GPM6A: variants seen among roughly 807,000 people sequenced by gnomAD.
The protein encoded by GPM6A is glycoprotein M6A.
In GPM6A, 7 loss-of-function variants were observed where a neutral mutation model predicts 32.1. The ratio of observed to expected loss-of-function variants is 0.22; its 90% confidence interval spans 0.12 to 0.41. The LOEUF (loss-of-function observed/expected upper bound fraction) is 0.41. Ranked by LOEUF, GPM6A falls within the 10% of genes least tolerant of loss-of-function variation. GPM6A has a pLI of 1.00. For missense variants in GPM6A, 235 were observed against 347.2 expected, an observed-to-expected ratio of 0.68 and a Z score of 2.57; for synonymous variants, 130 against 123.4, an observed-to-expected ratio of 1.05 and a Z score of -0.35.
chr4:175,972,212 T>C (rs1040079162), intron 1 of GPM6A, among the ~76,000 whole-genome samples: 2 of 152,142 alleles, frequency 1.3e-5, no homozygotes, highest in African/African-American at 2.4e-5. Context: ...CTAAAAGCAA[T>C]AGAAGATTTT....
At chr4:175,769,073 C>T (rs2111227864) in intron 1 of GPM6A, among the ~76,000 whole-genome samples, 1 of 152,168 alleles carries the variant, frequency 6.6e-6, no homozygotes, top group Non-Finnish European at 1.5e-5. Flanking sequence ...CCAGCCTGGG[C>T]AGCAGAGTGA....
intron 1 of GPM6A, among the ~76,000 whole-genome samples, chr4:175,824,270 A>T (rs1735364186): frequency 6.6e-6 from 1 of 152,044 alleles, no homozygotes; most frequent in African/African-American, 2.4e-5. Flanking sequence ...GTTATTTTCG[A>T]ATGAACCTGC....
chr4:175,645,101 A>G (rs1435069928), intron 4 of GPM6A, among the ~76,000 whole-genome samples: 3 of 152,116 alleles, frequency 2.0e-5, no homozygotes, highest in Non-Finnish European at 4.4e-5. Context: ...TTGTCTCAAA[A>G]ATAATAAAAA....
chr4:175,980,294 T>C (rs950014635), intron 1 of GPM6A, among the ~76,000 whole-genome samples: 1 of 152,106 alleles, frequency 6.6e-6, no homozygotes, highest in Non-Finnish European at 1.5e-5. Flanking sequence ...GGGATGGAGA[T>C]TGCAGTGAGC....
At chr4:175,663,614 C>A (rs902013184) in intron 3 of GPM6A, among the ~76,000 whole-genome samples, 48 of 152,024 alleles carry the variant, frequency 3.2e-4, no homozygotes, top group Admixed American at 5.2e-4. Flanking sequence ...TATTTGAAAC[C>A]AATATGTGGT....
chr4:175,903,051 G>T (rs1560986761), intron 1 of GPM6A, among the ~76,000 whole-genome samples: 1 of 151,966 alleles, frequency 6.6e-6, no homozygotes, highest in Admixed American at 6.6e-5. Context: ...CCCAGATCTT[G>T]GTTTCTGAAT....
intron 2 of GPM6A, among the ~76,000 whole-genome samples, chr4:175,692,154 C>A (rs1203078032): frequency 6.6e-6 from 1 of 152,032 alleles, no homozygotes; most frequent in East Asian, 1.9e-4. Flanking sequence ...TTTTTTGCAG[C>A]AGCAATGGTA....
intron 1 of GPM6A, among the ~76,000 whole-genome samples, chr4:175,805,128 T>A (rs10434283): frequency 0.38 from 57,588 of 151,218 alleles, 11,478 homozygotes; most frequent in South Asian, 0.45. Flanking sequence ...TCTCAAAAAA[T>A]TTTTTTTTCA....
At chr4:175,683,641 G>A (rs897854743) in intron 2 of GPM6A, among the ~76,000 whole-genome samples, 1 of 151,986 alleles carries the variant, frequency 6.6e-6, no homozygotes, top group Non-Finnish European at 1.5e-5. Flanking sequence ...TTAAAAGTGT[G>A]TAAGTGTGTG....
intron 1 of GPM6A, among the ~76,000 whole-genome samples, chr4:175,889,744 C>T (rs981920250): frequency 2.0e-5 from 3 of 151,860 alleles, no homozygotes; most frequent in African/African-American, 7.3e-5. Flanking sequence ...ACCCGGGAGG[C>T]GGAGCTTGCA....
chr4:175,677,051 A>T (rs1006108960), intron 2 of GPM6A, among the ~76,000 whole-genome samples: 1 of 152,102 alleles, frequency 6.6e-6, no homozygotes, highest in Non-Finnish European at 1.5e-5. Flanking sequence ...TTCAACAGTA[A>T]TTTTTTAGAT....
At chr4:175,837,840 A>AT (rs976371939) in intron 1 of GPM6A, among the ~76,000 whole-genome samples, 3 of 151,946 alleles carry the variant, frequency 2.0e-5, no homozygotes, top group Non-Finnish European at 4.4e-5. Context: ...GGAGATCGCT[A>AT]TTTTTTTCTG....
At chr4:175,764,257 A>G (rs972715149) in intron 1 of GPM6A, among the ~76,000 whole-genome samples, 2 of 152,236 alleles carry the variant, frequency 1.3e-5, no homozygotes, top group African/African-American at 2.4e-5. Flanking sequence ...TATAAAGGGA[A>G]TCATGCTACA....
At chr4:175,974,721 G>A (rs1740608875) in intron 1 of GPM6A, among the ~76,000 whole-genome samples, 1 of 151,596 alleles carries the variant, frequency 6.6e-6, no homozygotes. Flanking sequence ...CTCACCCTGT[G>A]CCTCAGGCTG....
chr4:175,912,465 G>C, intron 1 of GPM6A, among the ~76,000 whole-genome samples: 1 of 152,062 alleles, frequency 6.6e-6, no homozygotes, highest in East Asian at 1.9e-4. Flanking sequence ...GACCAGCCAG[G>C]CCAACGTGGT....
At chr4:175,999,218 GTGT>G (rs1741402395) in intron 1 of GPM6A, among the ~76,000 whole-genome samples, 1 of 152,238 alleles carries the variant, frequency 6.6e-6, no homozygotes, top group South Asian at 2.1e-4. Context: ...AGAACAGTAA[GTGT>G]TGTGTTCAGG....
chr4:175,983,026 C>T (rs1336175345), intron 1 of GPM6A, among the ~76,000 whole-genome samples: 2 of 152,014 alleles, frequency 1.3e-5, no homozygotes, highest in Non-Finnish European at 2.9e-5. Context: ...TAGAACATAA[C>T]GCAATTTTAT....
chr4:176,000,953 T>C (rs1190150898), intron 1 of GPM6A, among the ~76,000 whole-genome samples: 1 of 152,184 alleles, frequency 6.6e-6, no homozygotes, highest in Non-Finnish European at 1.5e-5. Context: ...TAAGACCATT[T>C]CCAACACTGT....
At chr4:175,673,938 G>C (rs1579369807) in intron 2 of GPM6A, 102 bp from the exon 3 acceptor site, 1 of 704,776 alleles carries the variant, frequency 1.4e-6, no homozygotes, top group East Asian at 2.8e-5. Flanking sequence ...GAAAGTTATA[G>C]AATATTTATA....
Sources: allele counts gnomAD v4.1 joint callset (sites outside exome capture counted in the v4.1 genomes callset), GRCh38; gene constraint gnomAD v4.1.1; transcripts MANE v1.5; gene names NCBI Gene and HGNC (gene_info 2026-07-23, HGNC 2026-07-21).